Variants in DNM3 observed in about 807,000 individuals in gnomAD.
DNM3 encodes the protein dynamin-3.
Under a neutral mutation model 101.6 loss-of-function variants are expected in DNM3, and 47 were observed. That is an observed-to-expected ratio of 0.46 (90% CI 0.37 to 0.59). The LOEUF is 0.59. Among genes scored for constraint, DNM3 ranks in the 20% least tolerant of loss-of-function variants. DNM3 has a pLI of 0.00. For synonymous variants in DNM3, 385 were observed against 387.9 expected, an observed-to-expected ratio of 0.99 and a Z score of 0.09; for missense variants, 849 against 1,085.7, an observed-to-expected ratio of 0.78 and a Z score of 3.06.
At chr1:172,394,704 T>A (rs367550147) in intron 20 of DNM3, among the ~76,000 whole-genome samples, 54 of 152,256 alleles carry the variant, frequency 3.5e-4, no homozygotes, top group Middle Eastern at 3.4e-3. Context: ...ACCTGACTGA[T>A]AGAGGAAAAC....
chr1:172,235,984 T>C (rs1424882030), intron 14 of DNM3, among the ~76,000 whole-genome samples: 1 of 152,100 alleles, frequency 6.6e-6, no homozygotes, highest in East Asian at 1.9e-4. Context: ...ACCCTAAAAC[T>C]TAAAGTATAA....
chr1:171,849,810 TA>T (rs1420261889), intron 1 of DNM3, among the ~76,000 whole-genome samples: 1 of 152,108 alleles, frequency 6.6e-6, no homozygotes. Context: ...AATTTAGAAA[TA>T]AAAAAGATTA....
chr1:172,393,902 CTAAA>C (rs1162420946), intron 20 of DNM3: 1 of 152,504 alleles, frequency 6.6e-6, no homozygotes, highest in Non-Finnish European at 1.5e-5. Context: ...TTTGAAGTCT[CTAAA>C]TGTCATTAAT....
In DNM3 at chr1:172,341,837, G is replaced by A. The variant is rs190742108; in HGVS notation, c.1893+18497G>A. On this transcript the variant is annotated intron_variant, in intron 17 of 20. Transcript: ENST00000627582. ...TAGGAATTTGCAAATATTTCCTGAC[G>A]AAGACGCCAAAAGCAATTGCAATAA... is the stretch of plus-strand genomic sequence containing the variant. Among the ~76,000 whole-genome samples, 275 of 152,146 alleles carry A rather than the reference G, an allele frequency of 1.8e-3. 2 individuals carry two copies. The highest frequency in any genetic ancestry group is 0.012 in the South Asian group (59 of 4,816).
intron 1 of DNM3, among the ~76,000 whole-genome samples, chr1:171,872,280 G>C (rs1171319040): frequency 6.6e-6 from 1 of 152,002 alleles, no homozygotes; most frequent in Admixed American, 6.6e-5. Flanking sequence ...ATTACCAAAT[G>C]GTATATTTTG....
intron 20 of DNM3, among the ~76,000 whole-genome samples, chr1:172,396,380 A>G (rs941765674): frequency 6.6e-6 from 1 of 152,186 alleles, no homozygotes; most frequent in Non-Finnish European, 1.5e-5. Context: ...TTTTTCTCCT[A>G]TTGGGAATTA....
intron 17 of DNM3, among the ~76,000 whole-genome samples, chr1:172,364,081 G>A (rs2067884414): frequency 6.6e-6 from 1 of 151,876 alleles, no homozygotes; most frequent in Admixed American, 6.6e-5. Flanking sequence ...GCCTGTTAAT[G>A]GGCTCCTCCC....
At chr1:172,058,472 G>A (rs1439855472) in intron 10 of DNM3, among the ~76,000 whole-genome samples, 1 of 151,152 alleles carries the variant, frequency 6.6e-6, no homozygotes, top group Admixed American at 6.6e-5. Context: ...AAATGTAAAA[G>A]AACAGAAATT....
At chr1:171,930,610 C>A (rs773909578) in intron 2 of DNM3, among the ~76,000 whole-genome samples, 6 of 152,108 alleles carry the variant, frequency 3.9e-5, no homozygotes, top group Non-Finnish European at 7.4e-5. Flanking sequence ...AAGCATGGAT[C>A]CCTGGGGTCC....
chr1:172,007,868 C>T (rs796384616), intron 4 of DNM3, among the ~76,000 whole-genome samples: 20 of 152,194 alleles, frequency 1.3e-4, no homozygotes, highest in African/African-American at 4.8e-4. Context: ...TGGGCTCAAG[C>T]GGTTCTCCCA....
At chr1:172,369,717 A>C (rs2068222835) in intron 17 of DNM3, among the ~76,000 whole-genome samples, 1 of 152,014 alleles carries the variant, frequency 6.6e-6, no homozygotes, top group Admixed American at 6.6e-5. Context: ...ACAATAAAAG[A>C]ATGCAAAATA....
intron 13 of DNM3, among the ~76,000 whole-genome samples, chr1:172,127,383 T>G: frequency 7.9e-6 from 1 of 126,156 alleles, no homozygotes; most frequent in Admixed American, 8.9e-5. Context: ...TCTTACTCTC[T>G]ACTTATTATT....
chr1:172,016,372 T>C (rs1302730573), intron 4 of DNM3, among the ~76,000 whole-genome samples: 1 of 148,638 alleles, frequency 6.7e-6, no homozygotes, highest in Non-Finnish European at 1.5e-5. Flanking sequence ...CATTTATTAA[T>C]AGGATCATGT....
At chr1:172,083,425 C>T (rs180947683) in intron 12 of DNM3, among the ~76,000 whole-genome samples, 36 of 152,292 alleles carry the variant, frequency 2.4e-4, no homozygotes, top group African/African-American at 7.9e-4. Flanking sequence ...AAAAGACAAA[C>T]AAATCCTTGA....
chr1:172,244,844 C>T (rs2061890407), intron 14 of DNM3, among the ~76,000 whole-genome samples: 1 of 152,178 alleles, frequency 6.6e-6, no homozygotes, highest in East Asian at 1.9e-4. Context: ...ACCCAACCAT[C>T]CCATTACTGG....
chr1:172,399,628 T>C (rs925079842), intron 20 of DNM3, among the ~76,000 whole-genome samples: 2 of 152,216 alleles, frequency 1.3e-5, no homozygotes, highest in Non-Finnish European at 2.9e-5. Context: ...AATGCCTCTC[T>C]GTTTTTCTCT....
intron 1 of DNM3, among the ~76,000 whole-genome samples, chr1:171,845,960 T>G (rs550751195): frequency 6.6e-6 from 1 of 152,326 alleles, no homozygotes; most frequent in Admixed American, 6.5e-5. Flanking sequence ...TAGAAAAAGT[T>G]TTTTGATTAA....
intron 17 of DNM3, among the ~76,000 whole-genome samples, chr1:172,326,668 C>T (rs2065949579): frequency 6.6e-6 from 1 of 151,704 alleles, no homozygotes; most frequent in Non-Finnish European, 1.5e-5. Flanking sequence ...TTATTAAATA[C>T]TTGACGTTTC....
intron 17 of DNM3, among the ~76,000 whole-genome samples, chr1:172,325,151 G>C (rs575051096): frequency 6.6e-6 from 1 of 152,234 alleles, no homozygotes; most frequent in South Asian, 2.1e-4. Flanking sequence ...ACATTTTACT[G>C]ATTTTCAAGT....
Sources: allele counts gnomAD v4.1 joint callset (sites outside exome capture counted in the v4.1 genomes callset), GRCh38; gene constraint gnomAD v4.1.1; transcripts MANE v1.5; gene names NCBI Gene and HGNC (gene_info 2026-07-23, HGNC 2026-07-21).